The following AK7 variants were observed in gnomAD, a reference collection of about 807,000 sequenced individuals.
AK7 encodes the protein adenylate kinase 7, also known as ATP-AMP transphosphorylase 7.
A neutral mutation model predicts 96.6 loss-of-function variants in AK7; 78 were observed. The observed-to-expected ratio is 0.81, with a 90% confidence interval of 0.67 to 0.97. The LOEUF (loss-of-function observed/expected upper bound fraction) is 0.97, where lower values mean the gene tolerates loss of function less well. Among genes scored for constraint, AK7 ranks in the 50% least tolerant of loss-of-function variants. AK7 has a pLI of 0.00. For synonymous variants in AK7, 302 were observed against 317.2 expected, an observed-to-expected ratio of 0.95 and a Z score of 0.51; for missense variants, 855 against 887.9, an observed-to-expected ratio of 0.96 and a Z score of 0.47.
At chr14:96,478,347 AG>A in intron 14 of AK7, 117 bp from the exon 15 acceptor site, 1 of 971,634 alleles carries the variant, frequency 1.0e-6, no homozygotes, top group Non-Finnish European at 1.6e-6. Flanking sequence ...CCAATTGGAC[AG>A]GCTATTTGTG....
intron 5 of AK7, among the ~76,000 whole-genome samples, chr14:96,427,664 G>A (rs1281964913): frequency 6.6e-6 from 1 of 152,156 alleles, no homozygotes; most frequent in African/African-American, 2.4e-5. Context: ...TCTTTCTCTA[G>A]ATTTGAGAAG....
At chr14:96,485,794 C>CTTT (rs758883552) in intron 16 of AK7, among the ~76,000 whole-genome samples, 4 of 128,996 alleles carry the variant, frequency 3.1e-5, no homozygotes, top group African/African-American at 6.1e-5. Flanking sequence ...TCAGCTAGGA[C>CTTT]TTTTTTTTTT....
At chr14:96,430,344 C>T (rs1168881648) in intron 5 of AK7, among the ~76,000 whole-genome samples, 1 of 151,954 alleles carries the variant, frequency 6.6e-6, no homozygotes, top group Non-Finnish European at 1.5e-5. Flanking sequence ...CGCCACTACG[C>T]CTGGCTAATT....
intron 1 of AK7, among the ~76,000 whole-genome samples, chr14:96,397,255 AT>A (rs941478360): frequency 6.8e-4 from 100 of 147,936 alleles, no homozygotes; most frequent in Admixed American, 3.4e-3. Context: ...ACAGCATTTA[AT>A]TTTTTTTTTT....
At chr14:96,451,655 T>A in intron 10 of AK7, 85 bp downstream of exon 10, 5 of 1,286,218 alleles carry the variant, frequency 3.9e-6, no homozygotes, top group Non-Finnish European at 5.0e-6. Flanking sequence ...CGGAAGTATT[T>A]GCTTTTTCAG....
intron 4 of AK7, among the ~76,000 whole-genome samples, chr14:96,410,255 G>A (rs1165993214): frequency 3.3e-5 from 5 of 152,168 alleles, no homozygotes; most frequent in Admixed American, 1.3e-4. Flanking sequence ...TCAAGGAGCA[G>A]GTCATGGTCA....
chr14:96,413,764 G>T (rs528233814), intron 4 of AK7, among the ~76,000 whole-genome samples: 1 of 152,342 alleles, frequency 6.6e-6, no homozygotes, highest in Admixed American at 6.5e-5. Context: ...GAAAAGCCAT[G>T]ACTCCATAAT....
intron 7 of AK7, among the ~76,000 whole-genome samples, chr14:96,443,762 T>C (rs1259067117): frequency 7.0e-6 from 1 of 142,130 alleles, no homozygotes; most frequent in East Asian, 2.1e-4. Flanking sequence ...TTAAAAAAAA[T>C]AACAAAAAAA....
chr14:96,396,069 C>G (rs1175212387), intron 1 of AK7, among the ~76,000 whole-genome samples: 1 of 152,006 alleles, frequency 6.6e-6, no homozygotes, highest in Non-Finnish European at 1.5e-5. Context: ...CTTGGCCTCC[C>G]AAAGATCTTG....
intron 5 of AK7, among the ~76,000 whole-genome samples, chr14:96,428,785 C>A (rs191475010): frequency 6.6e-4 from 100 of 151,450 alleles, no homozygotes; most frequent in African/African-American, 2.4e-3. Flanking sequence ...CTGTTCATAT[C>A]CTTCGCCCAC....
Position 96,458,078 on chromosome 14 carries a change from T to G in AK7, c.1228-5T>G. On this transcript the variant is annotated splice_region_variant and splice_polypyrimidine_tract_variant and intron_variant, in intron 11 of 17. Coordinates refer to ENST00000267584, the MANE Select transcript of AK7 (RefSeq NM_152327.5). ...ATCCAATGTGAATATCCCTGTGGTA[T>G]GCAGGAGGCGATTGTTGCCCCTAAC... 6.2e-7 allele frequency: 1 copy of G among 1,612,378 alleles called. No homozygotes were observed. The highest frequency in any genetic ancestry group is 8.5e-7 in the Non-Finnish European group (1 of 1,179,294).
chr14:96,428,855 G>A (rs1316535804), intron 5 of AK7, among the ~76,000 whole-genome samples: 2 of 150,890 alleles, frequency 1.3e-5, no homozygotes, highest in Admixed American at 6.6e-5. Flanking sequence ...TGTAGATTCT[G>A]GATATTAGCC....
chr14:96,468,371 C>CT (rs1355175400), intron 12 of AK7, among the ~76,000 whole-genome samples: 4 of 145,228 alleles, frequency 2.8e-5, no homozygotes, highest in African/African-American at 1.0e-4. Context: ...TCTCGGCTCA[C>CT]TGCAAGCTCC....
intron 14 of AK7, among the ~76,000 whole-genome samples, chr14:96,477,786 C>G (rs1169914141): frequency 6.6e-6 from 1 of 152,140 alleles, no homozygotes; most frequent in Non-Finnish European, 1.5e-5. Flanking sequence ...CATGAAAATT[C>G]CAAGGGGAGT....
intron 4 of AK7, among the ~76,000 whole-genome samples, chr14:96,412,214 C>G (rs2140014090): frequency 8.1e-6 from 1 of 124,194 alleles, no homozygotes; most frequent in East Asian, 2.6e-4. Flanking sequence ...TACTTTCTTC[C>G]TTTCTTTCTT....
chr14:96,447,123 G>C (rs1893283079), intron 8 of AK7, among the ~76,000 whole-genome samples: 1 of 152,062 alleles, frequency 6.6e-6, no homozygotes, highest in Non-Finnish European at 1.5e-5. Context: ...TATGTACAGA[G>C]GGAAATAAGA....
At chr14:96,479,260 G>A (rs890271659) in intron 15 of AK7, among the ~76,000 whole-genome samples, 6 of 151,900 alleles carry the variant, frequency 3.9e-5, no homozygotes, top group Non-Finnish European at 5.9e-5. Context: ...TGTATTTTTA[G>A]TAGAGACGGG....
At chr14:96,472,202 G>A (rs531411343) in intron 13 of AK7, among the ~76,000 whole-genome samples, 54 of 152,226 alleles carry the variant, frequency 3.5e-4, no homozygotes, top group African/African-American at 1.3e-3. Context: ...CCGTCACCCA[G>A]GCTGGAGCAC....
chr14:96,437,770 T>C, intron 5 of AK7, 65 bp from the exon 6 acceptor site: 1 of 1,249,244 alleles, frequency 8.0e-7, no homozygotes. Context: ...ACTACTAAAA[T>C]AATCTGGTTC....
Sources: allele counts gnomAD v4.1 joint callset (sites outside exome capture counted in the v4.1 genomes callset), GRCh38; gene constraint gnomAD v4.1.1; transcripts MANE v1.5; gene names NCBI Gene and HGNC (gene_info 2026-07-23, HGNC 2026-07-21).